PLEKHA8: variants seen among roughly 807,000 people sequenced by gnomAD.
PLEKHA8 encodes pleckstrin homology domain-containing family A member 8.
In PLEKHA8, 36 loss-of-function variants were observed where a neutral mutation model predicts 68.2. The ratio of observed to expected loss-of-function variants is 0.53; its 90% confidence interval spans 0.40 to 0.70. The LOEUF is 0.70. Ranked by LOEUF, PLEKHA8 falls within the 30% of genes least tolerant of loss-of-function variation. The probability of loss-of-function intolerance (pLI) is 0.00; values close to 1 mark genes in which losing one functional copy is unlikely to be tolerated. For missense variants in PLEKHA8, 505 were observed against 615.4 expected, an observed-to-expected ratio of 0.82 and a Z score of 1.90; for synonymous variants, 211 against 216.1, an observed-to-expected ratio of 0.98 and a Z score of 0.20.
chr7:30,079,898 C>CTTT lies in PLEKHA8; in HGVS notation c.*1122_*1124dup. The CTTT allele has an allele frequency of 1.3e-6, 1 of 743,176 alleles. No homozygotes were observed. The highest frequency in any genetic ancestry group is 1.6e-6 in the Non-Finnish European group (1 of 614,980). 46.0% of individuals were successfully genotyped at this position (743,176 alleles called of 1,614,324 possible). On this transcript the variant is annotated 3_prime_UTR_variant, in exon 14 of 14. Coordinates refer to ENST00000449726, the MANE Select transcript of PLEKHA8 (RefSeq NM_001197026.2). ...TTCTTCAAGAACTAAATGATATGTC[C>CTTT]TTTTTTTTTTTTTCAAAGAGGATAA...
intron 9 of PLEKHA8, among the ~76,000 whole-genome samples, chr7:30,060,155 A>G (rs1246328050): frequency 8.1e-6 from 1 of 124,064 alleles, no homozygotes; most frequent in Non-Finnish European, 1.7e-5. Flanking sequence ...AAGAATCATT[A>G]ATGAGTCTGA....
At chr7:30,119,097 A>G (rs969342057) in intron 13 of PLEKHA8, among the ~76,000 whole-genome samples, 1 of 152,206 alleles carries the variant, frequency 6.6e-6, no homozygotes, top group Admixed American at 6.5e-5. Flanking sequence ...GACAGTTCCC[A>G]GGGAATTGGA....
chr7:30,052,868 TA>T lies in PLEKHA8; in HGVS notation c.796+7del. On this transcript the variant is annotated splice_donor_region_variant and intron_variant, in intron 7 of 13. Coordinates refer to ENST00000449726, the MANE Select transcript of PLEKHA8 (RefSeq NM_001197026.2). Reference sequence around the variant, plus strand: ...AAAATACAGATGATAATATAACAGGTAAAAACAAAAGTAAAGTCTGAAACAA... The same window carrying T: ...AAAATACAGATGATAATATAACAGGTAAAACAAAAGTAAAGTCTGAAACAA... The T allele has an allele frequency of 6.4e-7, 1 of 1,567,192 alleles. No individual in the cohort carries two copies. Among genetic ancestry groups the T allele is most frequent in the Non-Finnish European group, 8.6e-7 (1 of 1,165,954 alleles).
Position 30,079,408 on chromosome 7 carries a change from C to T in PLEKHA8, c.*621C>T, listed in dbSNP as rs76492835. On this transcript the variant is annotated 3_prime_UTR_variant, in exon 14 of 14. Transcript: ENST00000449726. ...CCATCCTTGCTGACAGGCATGAAAC[C>T]GTTGCTCTGAGAAGATTAATGGTGT... 5.0e-3 allele frequency: 4,888 copies of T among 985,706 alleles called. 9 individuals carry two copies. The highest frequency in any genetic ancestry group is 5.7e-3 in the Non-Finnish European group (4,696 of 830,236). The allele number at this position is 985,706 out of a possible 1,614,324, so 61.1% of individuals were successfully genotyped here.
chr7:30,047,864 A>G lies in PLEKHA8; in HGVS notation c.346A>G (p.Lys116Glu). 2 of 1,609,892 alleles carry G rather than the reference A, an allele frequency of 1.2e-6. No homozygotes were observed. Among genetic ancestry groups the G allele is most frequent in the Non-Finnish European group, 1.7e-6 (2 of 1,177,456 alleles). Residue 116 changes from lysine to glutamate, a missense_variant, in exon 4 of 14, where the codon AAA (lysine) becomes GAA (glutamate). Lys to Glu is a moderately conservative substitution (Grantham distance 56, BLOSUM62 1). Coordinates refer to ENST00000449726, the MANE Select transcript of PLEKHA8 (RefSeq NM_001197026.2). ...TGAAAACACTGAAAACTTGAAAACC[A>G]AAATGTCAGAACTAAGACTCTACTG... Reference protein sequence around the residue: ...FAENTENLKTKMSELRLYCDL... With the variant: ...FAENTENLKTEMSELRLYCDL...
At chr7:30,115,716 G>GCA (rs1191152508) in intron 13 of PLEKHA8, 78 of 112,232 alleles carry the variant, frequency 6.9e-4, no homozygotes, top group Middle Eastern at 5.1e-3. Flanking sequence ...ATACATACGC[G>GCA]CATGCATGCA....
rs375316232 is a variant in PLEKHA8, at chr7:30,101,688, CAG to C, written c.1362+27557_1362+27558del. 1.8e-3 allele frequency among the ~76,000 whole-genome samples: 273 copies of C among 152,238 alleles called. 2 individuals are homozygous for C. Among genetic ancestry groups the C allele is most frequent in the African/African-American group, 6.2e-3 (257 of 41,538 alleles). On this transcript the variant is annotated intron_variant, in intron 13 of 13. Transcript: ENST00000396257. Reference sequence around the variant, plus strand: ...TTCAGACCATAGCAAAATTTGTAATCAGGGGAAAATTTAATAAAATATGTGCA... The same window carrying C: ...TTCAGACCATAGCAAAATTTGTAATCGGGAAAATTTAATAAAATATGTGCA...
chr7:30,118,894 C>T (rs541811647), intron 13 of PLEKHA8, among the ~76,000 whole-genome samples: 16 of 152,348 alleles, frequency 1.1e-4, no homozygotes, highest in African/African-American at 3.4e-4. Flanking sequence ...GCCTAAGTTA[C>T]GTGACACAGT....
At chr7:30,073,197 T>C (rs1210468214) in intron 12 of PLEKHA8, among the ~76,000 whole-genome samples, 1 of 152,222 alleles carries the variant, frequency 6.6e-6, no homozygotes, top group Admixed American at 6.5e-5. Flanking sequence ...TACTTTAGCT[T>C]AATAACTTCA....
intron 13 of PLEKHA8, among the ~76,000 whole-genome samples, chr7:30,102,758 C>T (rs539921102): frequency 6.6e-6 from 1 of 152,224 alleles, no homozygotes; most frequent in East Asian, 1.9e-4. Context: ...CAGAGATTAC[C>T]AGAGGGCACC....
chr7:30,063,052 C>A (rs1410324611), intron 12 of PLEKHA8, among the ~76,000 whole-genome samples: 3 of 152,152 alleles, frequency 2.0e-5, no homozygotes, highest in Non-Finnish European at 4.4e-5. Flanking sequence ...CCTAAATCTT[C>A]AAATATATTA....
At position 30,079,174 on chromosome 7, in the gene PLEKHA8, G is replaced by A. The variant is rs756610673; in HGVS notation, c.*387G>A. ...TCCATATTAAGTACCATAATTCATA[G>A]CCAGTGTTTCAGCCAACTTAGACTA... is the stretch of plus-strand genomic sequence containing the variant. On this transcript the variant is annotated 3_prime_UTR_variant, in exon 14 of 14. Coordinates refer to ENST00000449726, the MANE Select transcript of PLEKHA8 (RefSeq NM_001197026.2). 4 of 1,010,482 alleles carry A rather than the reference G, an allele frequency of 4.0e-6. No individual in the cohort carries two copies. Among genetic ancestry groups the A allele is most frequent in the African/African-American group, 3.5e-5 (2 of 57,596 alleles). The allele number at this position is 1,010,482 out of a possible 1,614,324, so 62.6% of individuals were successfully genotyped here. A position where few individuals can be genotyped will look rare whatever the true frequency, so the allele number is the denominator to read the frequency against.
chr7:30,036,058 C>T (rs932920084), intron 1 of PLEKHA8, among the ~76,000 whole-genome samples: 1 of 152,064 alleles, frequency 6.6e-6, no homozygotes, highest in African/African-American at 2.4e-5. Context: ...GAGTTTGAGA[C>T]CAGCCTGGCC....
chr7:30,087,300 T>C (rs2128003650), downstream of PLEKHA8, among the ~76,000 whole-genome samples: 1 of 152,278 alleles, frequency 6.6e-6, no homozygotes, highest in South Asian at 2.1e-4. Flanking sequence ...TTCTCCACCT[T>C]GTTCTTAATT....
At chr7:30,076,799 G>A (rs1794632681) in intron 13 of PLEKHA8, among the ~76,000 whole-genome samples, 2 of 152,106 alleles carry the variant, frequency 1.3e-5, no homozygotes, top group African/African-American at 2.4e-5. Context: ...TACTTTGGAA[G>A]GTTTATAAGT....
chr7:30,038,622 T>A (rs1791288572), intron 1 of PLEKHA8, among the ~76,000 whole-genome samples: 1 of 152,158 alleles, frequency 6.6e-6, no homozygotes, highest in African/African-American at 2.4e-5. Context: ...TAAAGGACTA[T>A]GCATTTATCA....
At chr7:30,088,294 T>C (rs17158620), downstream of PLEKHA8, among the ~76,000 whole-genome samples, 2,878 of 152,326 alleles carry the variant, frequency 0.019, 44 homozygotes, top group East Asian at 0.04. Context: ...ATATATCAAA[T>C]TATGAACGAT....
At chr7:30,115,845 CGTAT>C (rs1562558051) in intron 13 of PLEKHA8, 61 of 148,754 alleles carry the variant, frequency 4.1e-4, no homozygotes, top group Middle Eastern at 3.5e-3. Context: ...CATGTATACA[CGTAT>C]GCATACATAC....
chr7:30,062,105 G>A, intron 11 of PLEKHA8, 78 bp downstream of exon 11: 1 of 1,497,394 alleles, frequency 6.7e-7, no homozygotes, highest in Non-Finnish European at 9.0e-7. Flanking sequence ...TTACACAAAG[G>A]AGACTACTTC....
Sources: allele counts gnomAD v4.1 joint callset (sites outside exome capture counted in the v4.1 genomes callset), GRCh38; gene constraint gnomAD v4.1.1; transcripts MANE v1.5; gene names NCBI Gene and HGNC (gene_info 2026-07-23, HGNC 2026-07-21).